The following MGMT variants were observed in gnomAD, a reference collection of about 807,000 sequenced individuals.
The protein encoded by MGMT is methylated-DNA--protein-cysteine methyltransferase.
In MGMT, 14 loss-of-function variants were observed where a neutral mutation model predicts 15.9. The observed-to-expected ratio is 0.88, with a 90% CI of 0.58 to 1.37. The LOEUF is 1.37. Ranked by LOEUF, MGMT falls within the 40% of genes most tolerant of loss-of-function variation. The pLI is 0.00. For missense variants in MGMT, 282 were observed against 268.1 expected, an observed-to-expected ratio of 1.05 and a Z score of -0.36; for synonymous variants, 130 against 118.2, an observed-to-expected ratio of 1.10 and a Z score of -0.65.
chr10:129,758,336 C>T (rs915336881), intron 3 of MGMT, among the ~76,000 whole-genome samples: 2 of 152,280 alleles, frequency 1.3e-5, no homozygotes, highest in African/African-American at 4.8e-5. Context: ...ACTCCTGCCC[C>T]TGGAGGGGCT....
At chr10:129,579,176 A>C (rs1185618956) in intron 2 of MGMT, among the ~76,000 whole-genome samples, 1 of 152,254 alleles carries the variant, frequency 6.6e-6, no homozygotes, top group Non-Finnish European at 1.5e-5. Context: ...GGAAGGAAAA[A>C]CGGCCATTGT....
At chr10:129,649,622 G>C (rs1489629517) in intron 2 of MGMT, among the ~76,000 whole-genome samples, 1 of 152,146 alleles carries the variant, frequency 6.6e-6, no homozygotes, top group Non-Finnish European at 1.5e-5. Flanking sequence ...TCCTCAGGTT[G>C]AGAGAGAGAA....
At chr10:129,621,391 C>T (rs1847088789) in intron 2 of MGMT, among the ~76,000 whole-genome samples, 3 of 152,012 alleles carry the variant, frequency 2.0e-5, no homozygotes, top group South Asian at 2.1e-4. Context: ...AGTCATTTGT[C>T]GAGAAATAAT....
At chr10:129,744,905 T>C (rs1848676651) in intron 3 of MGMT, among the ~76,000 whole-genome samples, 1 of 152,164 alleles carries the variant, frequency 6.6e-6, no homozygotes, top group East Asian at 1.9e-4. Flanking sequence ...CCAGGCTCCA[T>C]GCTGACACCA....
chr10:129,493,310 C>G (rs549914275), intron 1 of MGMT, among the ~76,000 whole-genome samples: 1 of 152,120 alleles, frequency 6.6e-6, no homozygotes, highest in Admixed American at 6.5e-5. Flanking sequence ...CCCAGTGGAG[C>G]GTCTGGAGGT....
intron 1 of MGMT, among the ~76,000 whole-genome samples, chr10:129,519,083 C>T (rs755945447): frequency 6.6e-6 from 1 of 152,094 alleles, no homozygotes; most frequent in Non-Finnish European, 1.5e-5. Flanking sequence ...TCTGTAAGCC[C>T]TGGACTACTA....
chr10:129,522,773 C>T (rs1202025922), intron 1 of MGMT, among the ~76,000 whole-genome samples: 3 of 152,180 alleles, frequency 2.0e-5, no homozygotes, highest in Admixed American at 1.3e-4. Flanking sequence ...GAAAGAGGAA[C>T]TTCCCCTCAG....
chr10:129,595,542 CG>C (rs369845651), intron 2 of MGMT, among the ~76,000 whole-genome samples: 3 of 151,908 alleles, frequency 2.0e-5, no homozygotes, highest in Non-Finnish European at 2.9e-5. Context: ...TGGTGGTCTT[CG>C]GGGGGGTCTG....
At chr10:129,682,879 C>T (rs1847868093) in intron 2 of MGMT, among the ~76,000 whole-genome samples, 1 of 152,220 alleles carries the variant, frequency 6.6e-6, no homozygotes, top group Admixed American at 6.5e-5. Context: ...GACGGAGTTT[C>T]ACTCTGTCAC....
chr10:129,521,400 C>A lies in MGMT; in HGVS notation c.-12-14841C>A, dbSNP rs182229636. On this transcript the variant is annotated intron_variant, in intron 1 of 4. Coordinates refer to ENST00000651593, the MANE Select transcript of MGMT (RefSeq NM_002412.5). Reference sequence around the variant, plus strand: ...GAGTCACTGGCCTCACAGCTCACTGCAATTCAGAGACCTGCAGTGTGAAGA... The same window carrying A: ...GAGTCACTGGCCTCACAGCTCACTGAAATTCAGAGACCTGCAGTGTGAAGA... Among the ~76,000 whole-genome samples, 751 of 152,244 alleles carry A rather than the reference C, an allele frequency of 4.9e-3. 3 individuals carry two copies. The highest frequency in any genetic ancestry group is 0.016 in the African/African-American group (682 of 41,550).
chr10:129,498,693 T>C (rs1186704587), intron 1 of MGMT, among the ~76,000 whole-genome samples: 1 of 152,176 alleles, frequency 6.6e-6, no homozygotes, highest in African/African-American at 2.4e-5. Flanking sequence ...GCTTTCCTAC[T>C]TTCTGGGATC....
Position 129,603,419 on chromosome 10 carries a change from G to T in MGMT, c.125+67042G>T, listed in dbSNP as rs189025345. ...CTATCATAATTAGCTTAAGCTTTGGGTTAATTAACTTTCTACCTGGATATG... is the reference window on the plus strand; with the variant it reads ...CTATCATAATTAGCTTAAGCTTTGGTTTAATTAACTTTCTACCTGGATATG... On this transcript the variant is annotated intron_variant, in intron 2 of 4. Transcript: ENST00000651593. 6.6e-5 allele frequency among the ~76,000 whole-genome samples: 10 copies of T among 152,314 alleles called. No homozygotes were observed. The East Asian group carries it at 1.9e-3, about 29-fold the overall frequency.
At chr10:129,637,662 G>A (rs1012081933) in intron 2 of MGMT, among the ~76,000 whole-genome samples, 1 of 152,118 alleles carries the variant, frequency 6.6e-6, no homozygotes, top group Non-Finnish European at 1.5e-5. Flanking sequence ...GGGCCTTTAA[G>A]CAGGTACTTA....
intron 2 of MGMT, among the ~76,000 whole-genome samples, chr10:129,569,573 C>G (rs1007234131): frequency 2.6e-5 from 4 of 152,198 alleles, no homozygotes; most frequent in Non-Finnish European, 5.9e-5. Context: ...CTCCTGTGCT[C>G]TTACCCGGGC....
intron 3 of MGMT, among the ~76,000 whole-genome samples, chr10:129,716,530 A>G (rs1275944954): frequency 2.0e-5 from 3 of 152,166 alleles, no homozygotes; most frequent in Non-Finnish European, 2.9e-5. Context: ...CCTCACTTAG[A>G]TGGTTTTAGT....
intron 1 of MGMT, among the ~76,000 whole-genome samples, chr10:129,527,297 G>T (rs894984471): frequency 3.3e-5 from 5 of 150,292 alleles, no homozygotes; most frequent in African/African-American, 1.3e-4. Flanking sequence ...ACAGCTTTTG[G>T]AGCCCCCCTT....
At chr10:129,571,447 T>C (rs1348337187) in intron 2 of MGMT, among the ~76,000 whole-genome samples, 1 of 152,230 alleles carries the variant, frequency 6.6e-6, no homozygotes, top group African/African-American at 2.4e-5. Flanking sequence ...AAAAATGTTA[T>C]ACGTTTTGTT....
intron 2 of MGMT, among the ~76,000 whole-genome samples, chr10:129,696,318 T>G (rs1173393755): frequency 1.1e-5 from 1 of 93,596 alleles, no homozygotes; most frequent in Non-Finnish European, 2.2e-5. Context: ...GATTGCATTA[T>G]ATCAGGGGGT....
At chr10:129,679,299 C>T (rs547132195) in intron 2 of MGMT, among the ~76,000 whole-genome samples, 30 of 152,202 alleles carry the variant, frequency 2.0e-4, no homozygotes, top group South Asian at 1.9e-3. Flanking sequence ...ACACCGGTCC[C>T]CTCTGCTGTG....
Sources: gnomAD v4.1 joint callset for allele counts (sites outside exome capture counted in the v4.1 genomes callset) on GRCh38, gnomAD v4.1.1 for gene constraint, MANE v1.5 for transcripts, NCBI Gene and HGNC (gene_info 2026-07-23, HGNC 2026-07-21) for gene names.